The following ASIC2 variants were observed in gnomAD, a reference collection of about 807,000 sequenced individuals.
ASIC2 encodes acid sensing ion channel subunit 2.
ASIC2 carries 25 observed loss-of-function variants against 57.3 expected under a neutral mutation model. The ratio of observed to expected loss-of-function variants is 0.44; its 90% CI spans 0.32 to 0.61. The LOEUF is 0.61. Among genes scored for constraint, ASIC2 ranks in the 20% least tolerant of loss-of-function variants. ASIC2 has a pLI of 0.06. For missense variants in ASIC2, 641 were observed against 738.1 expected (o/e 0.87, Z 1.52); for synonymous variants, 319 against 307.5 (o/e 1.04, Z -0.39).
intron 1 of ASIC2, among the ~76,000 whole-genome samples, chr17:33,870,321 CG>C (rs34005658): frequency 0.57 from 79,801 of 141,130 alleles, 22,636 homozygotes; most frequent in East Asian, 0.66. Flanking sequence ...AGAGAAAGAA[CG>C]AACACAGAAA....
intron 1 of ASIC2, among the ~76,000 whole-genome samples, chr17:33,147,414 T>A (rs77148255): frequency 2.6e-5 from 4 of 152,228 alleles, no homozygotes; most frequent in Non-Finnish European, 5.9e-5. Flanking sequence ...CAGCTGGTAC[T>A]TAAGTCTAGA....
rs909809067 is a variant in ASIC2, at chr17:34,108,288, T to C, written c.555+47690A>G. Reference sequence around the variant, plus strand: ...CAATAAATATCCTGTTCATGCATTTTTTTATATAGTTGTAGGTGCTCCTAG... The same window carrying C: ...CAATAAATATCCTGTTCATGCATTTCTTTATATAGTTGTAGGTGCTCCTAG... On this transcript the variant is annotated intron_variant, in intron 1 of 9. Transcript: ENST00000359872. Among the ~76,000 whole-genome samples the C allele has an allele frequency of 5.3e-5, 8 of 152,312 alleles. No individual in the cohort carries two copies. In the South Asian group the frequency reaches 1.4e-3, roughly 28 times the overall value.
intron 1 of ASIC2, among the ~76,000 whole-genome samples, chr17:33,241,197 C>CTGTTTTATGTTTA (rs1174238819): frequency 6.6e-6 from 1 of 152,184 alleles, no homozygotes; most frequent in African/African-American, 2.4e-5. Flanking sequence ...AAATGCCACC[C>CTGTTTTATGTTTA]TGTTTTATGA....
intron 1 of ASIC2, among the ~76,000 whole-genome samples, chr17:33,282,510 T>G (rs1026004407): frequency 2.0e-5 from 3 of 151,982 alleles, no homozygotes; most frequent in Admixed American, 1.3e-4. Context: ...ATCCTTGCCC[T>G]GTTGTCCAGG....
At chr17:33,115,485 C>T (rs919172783) in intron 1 of ASIC2, among the ~76,000 whole-genome samples, 1 of 152,190 alleles carries the variant, frequency 6.6e-6, no homozygotes, top group Non-Finnish European at 1.5e-5. Flanking sequence ...AGGCTTCAAA[C>T]ATACTGGCCT....
intron 1 of ASIC2, among the ~76,000 whole-genome samples, chr17:33,871,883 G>A (rs1474221772): frequency 6.6e-6 from 1 of 152,158 alleles, no homozygotes; most frequent in African/African-American, 2.4e-5. Flanking sequence ...CACACCTCTG[G>A]GTGGGGTGAG....
At chr17:33,093,838 A>G (rs978181122) in intron 2 of ASIC2, among the ~76,000 whole-genome samples, 3 of 152,270 alleles carry the variant, frequency 2.0e-5, no homozygotes, top group African/African-American at 4.8e-5. Flanking sequence ...TGCCAAGGAA[A>G]TAAACACTGG....
intron 1 of ASIC2, among the ~76,000 whole-genome samples, chr17:33,386,098 C>T (rs1358572595): frequency 6.6e-6 from 1 of 152,194 alleles, no homozygotes. Flanking sequence ...TAGTATCTAT[C>T]CAGACTGGCA....
At chr17:33,995,247 A>G (rs1906120407) in intron 1 of ASIC2, among the ~76,000 whole-genome samples, 1 of 152,294 alleles carries the variant, frequency 6.6e-6, no homozygotes, top group South Asian at 2.1e-4. Flanking sequence ...TATTCACAGG[A>G]CAATTGGGTG....
chr17:34,069,735 A>T (rs1433616552), intron 1 of ASIC2: 1 of 152,260 alleles, frequency 6.6e-6, no homozygotes, highest in African/African-American at 2.4e-5. Context: ...TTAGCCATTC[A>T]TTGGTCATCT....
chr17:33,681,427 C>G (rs887565473), intron 1 of ASIC2, among the ~76,000 whole-genome samples: 2 of 152,184 alleles, frequency 1.3e-5, no homozygotes, highest in African/African-American at 2.4e-5. Flanking sequence ...TTCCAAATGT[C>G]CCCTAGAGGG....
intron 1 of ASIC2, among the ~76,000 whole-genome samples, chr17:34,052,176 A>C (rs187126491): frequency 6.6e-5 from 10 of 152,316 alleles, no homozygotes; most frequent in African/African-American, 2.4e-4. Context: ...CCTCATTACA[A>C]GATGAAAAAT....
At chr17:34,082,693 G>T (rs1230192006) in intron 1 of ASIC2, among the ~76,000 whole-genome samples, 1 of 152,212 alleles carries the variant, frequency 6.6e-6, no homozygotes, top group Non-Finnish European at 1.5e-5. Flanking sequence ...TAGACCCTGT[G>T]CTAGGTACTT....
At chr17:33,346,746 T>C (rs1437234805) in intron 1 of ASIC2, among the ~76,000 whole-genome samples, 1 of 152,040 alleles carries the variant, frequency 6.6e-6, no homozygotes, top group Non-Finnish European at 1.5e-5. Flanking sequence ...GAAATGAACA[T>C]AGATAGGAAA....
At chr17:33,788,578 G>C (rs754658688) in intron 1 of ASIC2, among the ~76,000 whole-genome samples, 1 of 152,004 alleles carries the variant, frequency 6.6e-6, no homozygotes, top group Non-Finnish European at 1.5e-5. Context: ...AATATAAATC[G>C]TTCTACTATA....
At chr17:33,305,673 G>C (rs982410682) in intron 1 of ASIC2, among the ~76,000 whole-genome samples, 1 of 152,158 alleles carries the variant, frequency 6.6e-6, no homozygotes, top group African/African-American at 2.4e-5. Context: ...GGGCCATCAA[G>C]ATTACATTTT....
chr17:33,172,543 A>G (rs551566676), intron 1 of ASIC2, among the ~76,000 whole-genome samples: 1 of 152,288 alleles, frequency 6.6e-6, no homozygotes, highest in South Asian at 2.1e-4. Context: ...AAGCACAAAC[A>G]CAGCACAGGC....
At chr17:33,548,990 C>T (rs1286512308) in intron 1 of ASIC2, among the ~76,000 whole-genome samples, 6 of 152,046 alleles carry the variant, frequency 3.9e-5, no homozygotes, top group Admixed American at 2.0e-4. Context: ...GATGTAACAC[C>T]ATGGGATTAT....
chr17:33,110,361 C>T (rs2092252300), intron 2 of ASIC2, among the ~76,000 whole-genome samples: 1 of 152,202 alleles, frequency 6.6e-6, no homozygotes, highest in Non-Finnish European at 1.5e-5. Context: ...TCCACCAGCC[C>T]TCAGGGATGC....
Sources: gnomAD v4.1 joint callset for allele counts (sites outside exome capture counted in the v4.1 genomes callset) on GRCh38, gnomAD v4.1.1 for gene constraint, MANE v1.5 for transcripts, NCBI Gene and HGNC (gene_info 2026-07-23, HGNC 2026-07-21) for gene names.